ANKMY1: variants seen among roughly 807,000 people sequenced by gnomAD.
ANKMY1 encodes ankyrin repeat and MYND domain containing 1, also known as ankyrin repeat and MYND domain-containing protein 1.
In ANKMY1, 98 loss-of-function variants were observed where a neutral mutation model predicts 102.0. The observed-to-expected ratio is 0.96, with a 90% CI of 0.82 to 1.14. ANKMY1 has a LOEUF of 1.14. ANKMY1 is among the 50% of genes most tolerant of loss of function. ANKMY1 has a pLI of 0.00. For synonymous variants in ANKMY1, 582 were observed against 559.9 expected (o/e 1.04, Z -0.56); for missense variants, 1,330 against 1,347.6 (o/e 0.99, Z 0.20).
At chr2:240,536,782 T>C (rs1490107044) in intron 4 of ANKMY1, among the ~76,000 whole-genome samples, 1 of 152,238 alleles carries the variant, frequency 6.6e-6, no homozygotes, top group Non-Finnish European at 1.5e-5. Context: ...GACTATGCTT[T>C]TTCCCTGGAT....
chr2:240,556,910 C>T (rs1420521931), intron 2 of ANKMY1, among the ~76,000 whole-genome samples: 2 of 152,152 alleles, frequency 1.3e-5, no homozygotes, highest in African/African-American at 2.4e-5. Context: ...GCTTGGGAGC[C>T]CCATCTCGTG....
chr2:240,560,351 A>G (rs2092851331), upstream of ANKMY1: 1 of 216,420 alleles, frequency 4.6e-6, no homozygotes, highest in Non-Finnish European at 9.0e-6. Context: ...GCTGCGCCCA[A>G]GAGCCACAGA....
At chr2:240,500,721 G>T (rs776882334) in intron 13 of ANKMY1, among the ~76,000 whole-genome samples, 156 bp from the exon 14 acceptor site, 32 of 152,228 alleles carry the variant, frequency 2.1e-4, no homozygotes, top group Non-Finnish European at 4.3e-4. Context: ...GGGAGAGGGA[G>T]ATGGAGACGG....
chr2:240,550,245 C>T (rs978034013), intron 4 of ANKMY1, among the ~76,000 whole-genome samples: 2 of 151,792 alleles, frequency 1.3e-5, no homozygotes, highest in Non-Finnish European at 2.9e-5. Flanking sequence ...TCATCATTCT[C>T]GGTAAACTAT....
the ANKMY1 span, among the ~76,000 whole-genome samples, chr2:240,470,696 G>A: frequency 1.3e-5 from 2 of 152,156 alleles, no homozygotes; most frequent in Non-Finnish European, 2.9e-5. Context: ...CCTGATGTGA[G>A]AATTAAAAGA....
chr2:240,557,864 C>T lies in ANKMY1; in HGVS notation c.-18+17G>A. The T allele has an allele frequency of 7.1e-6, 7 of 985,668 alleles. No homozygotes were observed. Among genetic ancestry groups the T allele is most frequent in the Non-Finnish European group, 8.4e-6 (7 of 830,038 alleles). The allele number at this position is 985,668 out of a possible 1,614,324, so 61.1% of individuals were successfully genotyped here. A position where few individuals can be genotyped will look rare whatever the true frequency, so the allele number is the denominator to read the frequency against. On this transcript the variant is annotated intron_variant, in intron 1 of 17. Transcript: ENST00000401804. ...CCCCTAGCCCCGGCTCCCAGCGCTC[C>T]TGTCGCGAGACCGCACCAAGCAAGA...
the ANKMY1 span, among the ~76,000 whole-genome samples, chr2:240,469,494 G>A: frequency 6.6e-6 from 1 of 152,202 alleles, no homozygotes; most frequent in Non-Finnish European, 1.5e-5. Flanking sequence ...CCACACTGAT[G>A]GGCAGAGAGC....
downstream of ANKMY1, among the ~76,000 whole-genome samples, chr2:240,478,713 G>A (rs2075026948): frequency 8.0e-6 from 1 of 125,218 alleles, no homozygotes; most frequent in African/African-American, 3.1e-5. Context: ...CATCTTTGGC[G>A]AGACCAGGAA....
At chr2:240,511,691 G>A (rs915397822) in intron 11 of ANKMY1, among the ~76,000 whole-genome samples, 170 bp downstream of exon 11, 2 of 152,222 alleles carry the variant, frequency 1.3e-5, no homozygotes, top group Non-Finnish European at 2.9e-5. Flanking sequence ...CATGTGAGTG[G>A]GAAATCCCGT....
At chr2:240,532,090 C>A (rs1208070158) in intron 4 of ANKMY1, 1 of 468,386 alleles carries the variant, frequency 2.1e-6, no homozygotes, top group African/African-American at 2.0e-5. Flanking sequence ...GAAGAAATAA[C>A]AGTTGAGAAT....
chr2:240,499,129 G>C lies in ANKMY1; in HGVS notation c.2806+829C>G, dbSNP rs114451394. On this transcript the variant is annotated intron_variant, in intron 15 of 17. Transcript: ENST00000401804. The surrounding 1 kb of genome is among the most constrained non-coding windows in gnomAD (Gnocchi z 4.2). The stretch of plus-strand genomic sequence containing the variant: ...GGTGTTGCTCAGTGGGGGACTGTGT[G>C]AGGCTGCAGGAGGCTACTGCATGCT... Among the ~76,000 whole-genome samples the C allele has an allele frequency of 5.1e-3, 773 of 152,270 alleles. 6 individuals are homozygous for C. Among genetic ancestry groups the C allele is most frequent in the African/African-American group, 0.018 (736 of 41,532 alleles).
chr2:240,521,807 A>G (rs1003247030), intron 8 of ANKMY1: 2 of 152,122 alleles, frequency 1.3e-5, no homozygotes, highest in African/African-American at 4.8e-5. Flanking sequence ...CCCCCTTTAC[A>G]GCTCTTAAAC....
At chr2:240,492,869 T>C (rs1446574261) in intron 15 of ANKMY1, among the ~76,000 whole-genome samples, 3 of 152,154 alleles carry the variant, frequency 2.0e-5, no homozygotes, top group Non-Finnish European at 4.4e-5. Flanking sequence ...TTTTGTACTT[T>C]AGTAGAGACA....
chr2:240,487,829 A>T (rs1336329412), intron 15 of ANKMY1, among the ~76,000 whole-genome samples: 3 of 151,932 alleles, frequency 2.0e-5, no homozygotes, highest in Admixed American at 6.6e-5. Context: ...TAATAGGATT[A>T]TTTTTTCCTG....
At chr2:240,510,538 G>C (rs1240882113) in intron 11 of ANKMY1, among the ~76,000 whole-genome samples, 2 of 152,132 alleles carry the variant, frequency 1.3e-5, no homozygotes, top group Non-Finnish European at 2.9e-5. Flanking sequence ...CTCTGGCCCA[G>C]CTCCCTATCC....
chr2:240,482,119 C>A, intron 16 of ANKMY1, 64 bp downstream of exon 16: 1 of 1,563,610 alleles, frequency 6.4e-7, no homozygotes, highest in Non-Finnish European at 8.8e-7. Context: ...AGGCCAGGCA[C>A]AACAGCACTG....
chr2:240,543,015 G>C (rs1384924151), intron 4 of ANKMY1, among the ~76,000 whole-genome samples: 1 of 151,754 alleles, frequency 6.6e-6, no homozygotes, highest in African/African-American at 2.4e-5. Flanking sequence ...GTTTTCACGA[G>C]ATTTAAGTAA....
intron 4 of ANKMY1, among the ~76,000 whole-genome samples, chr2:240,545,740 A>G (rs1468901776): frequency 1.3e-5 from 2 of 152,234 alleles, no homozygotes; most frequent in Non-Finnish European, 2.9e-5. Flanking sequence ...CGATGCGATC[A>G]ACTGGAAGAA....
At chr2:240,537,017 A>C (rs1559354334) in intron 4 of ANKMY1, among the ~76,000 whole-genome samples, 1 of 152,112 alleles carries the variant, frequency 6.6e-6, no homozygotes. Context: ...GAGCCACCGT[A>C]CCCATCCAAA....
Sources: allele counts gnomAD v4.1 joint callset (sites outside exome capture counted in the v4.1 genomes callset), GRCh38; gene constraint gnomAD v4.1.1; non-coding constraint Gnocchi (gnomAD v3.1); transcripts MANE v1.5; gene names NCBI Gene and HGNC (gene_info 2026-07-23, HGNC 2026-07-21).